FGF1: variants seen among roughly 807,000 people sequenced by gnomAD.
FGF1 encodes the protein fibroblast growth factor 1, also known as beta-endothelial cell growth factor.
A neutral mutation model predicts 13.4 loss-of-function variants in FGF1; 9 were observed. The ratio of observed to expected loss-of-function variants is 0.67; its 90% confidence interval spans 0.40 to 1.17. FGF1 has a LOEUF of 1.17. Among genes scored for constraint, FGF1 ranks in the 50% most tolerant of loss-of-function variants. The pLI is 0.01. For missense variants in FGF1, 156 were observed against 192.7 expected (o/e 0.81, Z 1.13); for synonymous variants, 93 against 79.0 (o/e 1.18, Z -0.94).
At chr5:142,629,439 T>C (rs1157148680) in intron 1 of FGF1, among the ~76,000 whole-genome samples, 1 of 152,190 alleles carries the variant, frequency 6.6e-6, no homozygotes, top group East Asian at 1.9e-4. Flanking sequence ...TCAGGGATTA[T>C]AGGCATGAGC....
intron 1 of FGF1, among the ~76,000 whole-genome samples, chr5:142,641,587 A>G (rs1597278212): frequency 6.6e-6 from 1 of 152,188 alleles, no homozygotes; most frequent in Non-Finnish European, 1.5e-5. Context: ...GTAAAGGTAA[A>G]TTTGTTGTAA....
chr5:142,679,638 C>G (rs950289988), intron 1 of FGF1, among the ~76,000 whole-genome samples: 1 of 152,204 alleles, frequency 6.6e-6, no homozygotes, highest in African/African-American at 2.4e-5. Flanking sequence ...TCCCTTTCCT[C>G]TTTTCCTCCA....
chr5:142,646,820 A>G (rs1255341865), intron 1 of FGF1, among the ~76,000 whole-genome samples: 10 of 152,182 alleles, frequency 6.6e-5, no homozygotes, highest in Non-Finnish European at 1.5e-4. Flanking sequence ...GTGTCTGTGA[A>G]CCTGTGTGCT....
At chr5:142,629,877 T>TTA (rs1554082564) in intron 1 of FGF1, among the ~76,000 whole-genome samples, 10,582 of 137,256 alleles carry the variant, frequency 0.077, 550 homozygotes, top group East Asian at 0.25. Context: ...TACATATATA[T>TTA]TATATATATA....
intron 1 of FGF1, among the ~76,000 whole-genome samples, chr5:142,645,588 A>G (rs966587700): frequency 6.6e-6 from 1 of 152,182 alleles, no homozygotes. Context: ...CCTACTACAG[A>G]GGCATTGGGA....
intron 1 of FGF1, among the ~76,000 whole-genome samples, chr5:142,674,332 T>G (rs762762050): frequency 1.2e-4 from 18 of 152,174 alleles, no homozygotes; most frequent in Non-Finnish European, 2.4e-4. Flanking sequence ...GTATCTGCTC[T>G]TGTGTTGTTC....
intron 1 of FGF1, 90 bp from the exon 2 acceptor site, chr5:142,614,251 G>A (rs1298390371): frequency 1.0e-5 from 10 of 1,002,860 alleles, no homozygotes; most frequent in Non-Finnish European, 1.5e-5. Context: ...CCAGGGCACA[G>A]GGTTCCCGGG....
At chr5:142,678,646 G>A (rs1049260419) in intron 1 of FGF1, among the ~76,000 whole-genome samples, 3 of 152,160 alleles carry the variant, frequency 2.0e-5, no homozygotes, top group Admixed American at 6.5e-5. Context: ...ATTCGCCACA[G>A]TCCCTGATGA....
intron 1 of FGF1, among the ~76,000 whole-genome samples, chr5:142,684,004 T>C (rs1370178571): frequency 1.3e-5 from 2 of 152,336 alleles, no homozygotes; most frequent in African/African-American, 2.4e-5. Context: ...GTGGAGCAGC[T>C]GTGCTTTCAC....
At chr5:142,637,198 G>A (rs1407246066) in intron 1 of FGF1, among the ~76,000 whole-genome samples, 2 of 151,854 alleles carry the variant, frequency 1.3e-5, no homozygotes, top group South Asian at 2.1e-4. Context: ...AACTAAACTC[G>A]AATTTTAAAA....
chr5:142,670,562 TGAGAGCA>T (rs1771259851), intron 1 of FGF1, among the ~76,000 whole-genome samples: 2 of 152,148 alleles, frequency 1.3e-5, no homozygotes, highest in Admixed American at 6.5e-5. Flanking sequence ...CATGACAGCA[TGAGAGCA>T]GAGAACATGT....
intron 1 of FGF1, among the ~76,000 whole-genome samples, chr5:142,616,198 T>G (rs559966138): frequency 6.6e-6 from 1 of 152,360 alleles, no homozygotes; most frequent in South Asian, 2.1e-4. Context: ...CTTATGACTT[T>G]AAAATGAGGG....
rs1754577687 is a variant in FGF1 at position 142,593,025 on chromosome 5, A to C, written c.*2265T>G. ...ACAGTAGGCACCTTAATAGTCATTG[A>C]ACAGATATATGAATGATATCTGGGC... On this transcript the variant is annotated 3_prime_UTR_variant, in exon 4 of 4. Transcript: ENST00000337706. The C allele has an allele frequency of 1.3e-5, 2 of 152,222 alleles. No homozygotes were observed. Among genetic ancestry groups the C allele is most frequent in the Non-Finnish European group, 2.9e-5 (2 of 68,042 alleles). 9.4% of individuals were successfully genotyped at this position (152,222 alleles called of 1,614,324 possible). A position where few individuals can be genotyped will look rare whatever the true frequency, so the allele number is the denominator to read the frequency against.
At chr5:142,662,053 C>T (rs1415898119) in intron 1 of FGF1, among the ~76,000 whole-genome samples, 5 of 152,108 alleles carry the variant, frequency 3.3e-5, no homozygotes, top group South Asian at 2.1e-4. Context: ...ACATATTGTA[C>T]GATTCCATTT....
At chr5:142,682,012 C>T (rs1174250076) in intron 1 of FGF1, among the ~76,000 whole-genome samples, 4 of 152,130 alleles carry the variant, frequency 2.6e-5, no homozygotes, top group Non-Finnish European at 4.4e-5. Flanking sequence ...CTAGCAGTGG[C>T]ACCAGGGGTC....
At chr5:142,638,037 T>C (rs570913336) in intron 1 of FGF1, among the ~76,000 whole-genome samples, 4 of 152,092 alleles carry the variant, frequency 2.6e-5, no homozygotes, top group African/African-American at 9.7e-5. Context: ...TCTGGCTGCA[T>C]CCTCAGACAG....
At position 142,636,660 on chromosome 5, in the gene FGF1, A is replaced by T. The variant is rs145516701; in HGVS notation, c.-34-22499T>A. ...AGGTTGCCCTGAGAGCCAGGTAATA[A>T]GCAATCTATAGGACCTGGGAGACTT... is the stretch of plus-strand genomic sequence containing the variant. On this transcript the variant is annotated intron_variant, in intron 1 of 3. Transcript: ENST00000337706. Among the ~76,000 whole-genome samples the T allele has an allele frequency of 3.3e-5, 5 of 150,610 alleles. No individual in the cohort carries two copies. In the East Asian group the frequency reaches 7.7e-4, roughly 23 times the overall value.
At chr5:142,623,946 T>C (rs1245216923) in intron 1 of FGF1, among the ~76,000 whole-genome samples, 1 of 151,220 alleles carries the variant, frequency 6.6e-6, no homozygotes, top group African/African-American at 2.4e-5. Flanking sequence ...TGAGACAGAG[T>C]TTCGCTCTTG....
chr5:142,676,524 G>A (rs552742202), intron 1 of FGF1, among the ~76,000 whole-genome samples: 2 of 152,294 alleles, frequency 1.3e-5, no homozygotes, highest in South Asian at 2.1e-4. Context: ...CCAGGGTCAC[G>A]CAGCTATTGA....
Sources: gnomAD v4.1 joint callset for allele counts (sites outside exome capture counted in the v4.1 genomes callset) on GRCh38, gnomAD v4.1.1 for gene constraint, MANE v1.5 for transcripts, NCBI Gene and HGNC (gene_info 2026-07-23, HGNC 2026-07-21) for gene names.